The following RIT2 variants were observed in gnomAD, a reference collection of about 807,000 sequenced individuals.
The protein encoded by RIT2 is Ras like without CAAX 2.
A neutral mutation model predicts 23.7 loss-of-function variants in RIT2; 24 were observed. That is an observed-to-expected ratio of 1.01 (90% CI 0.73 to 1.43). The LOEUF is 1.43. RIT2 is among the 40% of genes most tolerant of loss of function. The pLI is 0.00. For missense variants in RIT2, 236 were observed against 266.9 expected (o/e 0.88, Z 0.81); for synonymous variants, 107 against 91.1 (o/e 1.17, Z -0.99).
chr18:43,010,469 C>T (rs188669150), intron 2 of RIT2, among the ~76,000 whole-genome samples: 3 of 151,868 alleles, frequency 2.0e-5, no homozygotes, highest in African/African-American at 4.8e-5. Context: ...ATTTAATTGA[C>T]ATTGTTTTCA....
At chr18:42,993,729 C>T (rs1433887092) in intron 2 of RIT2, among the ~76,000 whole-genome samples, 1 of 152,002 alleles carries the variant, frequency 6.6e-6, no homozygotes, top group African/African-American at 2.4e-5. Context: ...AGTTCAAAGC[C>T]TCCTTCACAT....
intron 4 of RIT2, among the ~76,000 whole-genome samples, chr18:42,798,347 C>T (rs2143958205): frequency 6.6e-6 from 1 of 152,218 alleles, no homozygotes; most frequent in East Asian, 1.9e-4. Flanking sequence ...AAATGGTACC[C>T]CACAGTCATG....
At chr18:42,999,731 A>G (rs1440161896) in intron 2 of RIT2, among the ~76,000 whole-genome samples, 1 of 152,102 alleles carries the variant, frequency 6.6e-6, no homozygotes, top group Non-Finnish European at 1.5e-5. Context: ...TTCAAACTCT[A>G]GAGAAGTTAA....
intron 4 of RIT2, among the ~76,000 whole-genome samples, chr18:42,855,429 C>T (rs773307833): frequency 3.3e-5 from 5 of 152,200 alleles, no homozygotes; most frequent in Non-Finnish European, 5.9e-5. Context: ...ACCATCTCTG[C>T]TCACTGCTAT....
At chr18:42,761,631 CATA>C (rs1027864185) in intron 4 of RIT2, among the ~76,000 whole-genome samples, 1 of 152,178 alleles carries the variant, frequency 6.6e-6, no homozygotes, top group African/African-American at 2.4e-5. Context: ...ATCCCCCTCT[CATA>C]ATATGTGAGT....
chr18:43,102,404 A>G (rs1005686312), intron 1 of RIT2, among the ~76,000 whole-genome samples: 10 of 149,256 alleles, frequency 6.7e-5, no homozygotes, highest in African/African-American at 9.9e-5. Context: ...ATTTTATAAA[A>G]TACTTTCTTT....
Position 42,968,864 on chromosome 18 carries a change from G to A in RIT2, c.234+5210C>T, listed in dbSNP as rs562096765. 2.6e-5 allele frequency among the ~76,000 whole-genome samples: 4 copies of A among 152,202 alleles called. No individual in the cohort carries two copies. The East Asian group carries it at 7.7e-4, about 29-fold the overall frequency. ...GATACCTGTATTCGAGTCTAGTGTT[G>A]GGTAGGCAGCAGTGAGGAGAAGTAC... On this transcript the variant is annotated intron_variant, in intron 3 of 4. Coordinates refer to ENST00000326695, the MANE Select transcript of RIT2 (RefSeq NM_002930.4).
chr18:43,063,152 A>G (rs1435071084), intron 1 of RIT2, among the ~76,000 whole-genome samples: 1 of 152,198 alleles, frequency 6.6e-6, no homozygotes, highest in African/African-American at 2.4e-5. Context: ...TTCAGTAAAT[A>G]TGAGTAGATT....
chr18:42,795,435 C>G (rs1905314864), intron 4 of RIT2, among the ~76,000 whole-genome samples: 1 of 152,234 alleles, frequency 6.6e-6, no homozygotes, highest in Non-Finnish European at 1.5e-5. Flanking sequence ...TGGCGCTGCT[C>G]TCGATTTCTC....
At chr18:43,069,506 C>T (rs962599408) in intron 1 of RIT2, among the ~76,000 whole-genome samples, 1 of 152,144 alleles carries the variant, frequency 6.6e-6, no homozygotes, top group African/African-American at 2.4e-5. Context: ...ATCATCATCT[C>T]TTTAATTCCG....
At chr18:42,848,950 C>T (rs1214441616) in intron 4 of RIT2, among the ~76,000 whole-genome samples, 1 of 152,110 alleles carries the variant, frequency 6.6e-6, no homozygotes, top group African/African-American at 2.4e-5. Context: ...GCCTTCTATC[C>T]ACTTGTACTT....
chr18:42,874,125 C>T (rs570888846), intron 4 of RIT2, among the ~76,000 whole-genome samples: 4 of 152,188 alleles, frequency 2.6e-5, no homozygotes, highest in African/African-American at 9.6e-5. Context: ...AAACTAAAAC[C>T]TTGGAGAGGC....
intron 1 of RIT2, among the ~76,000 whole-genome samples, chr18:43,113,943 T>G (rs1207290919): frequency 6.6e-6 from 1 of 152,198 alleles, no homozygotes; most frequent in African/African-American, 2.4e-5. Flanking sequence ...GTTTATTTCT[T>G]TCTTCCTCAC....
chr18:42,957,178 C>T (rs1181750229), intron 3 of RIT2, among the ~76,000 whole-genome samples: 2 of 152,144 alleles, frequency 1.3e-5, no homozygotes, highest in Admixed American at 6.5e-5. Context: ...GGTGAGCCAA[C>T]ACACCCCCTT....
chr18:43,046,338 A>G (rs1250380555), intron 1 of RIT2, among the ~76,000 whole-genome samples: 1 of 152,248 alleles, frequency 6.6e-6, no homozygotes, highest in Non-Finnish European at 1.5e-5. Flanking sequence ...TGACCACATT[A>G]TTAATTTTCA....
chr18:42,960,711 A>G (rs949397696), intron 3 of RIT2, among the ~76,000 whole-genome samples: 2 of 152,174 alleles, frequency 1.3e-5, no homozygotes, highest in African/African-American at 4.8e-5. Context: ...TTTCCTAACT[A>G]CATTTTATTA....
chr18:42,923,879 T>C (rs1909117824), intron 3 of RIT2, 116 bp from the exon 4 acceptor site: 1 of 826,872 alleles, frequency 1.2e-6, no homozygotes, highest in Non-Finnish European at 1.8e-6. Context: ...AATATTGATA[T>C]TTAATCATAG....
At chr18:42,758,680 ATT>A (rs11371811) in intron 4 of RIT2, among the ~76,000 whole-genome samples, 15 of 139,876 alleles carry the variant, frequency 1.1e-4, no homozygotes, top group African/African-American at 2.9e-4. Context: ...CACCCGGCTA[ATT>A]TTTTTTTTTT....
chr18:42,924,432 C>T lies in RIT2; in HGVS notation c.235-669G>A, dbSNP rs543032243. ...TGGATCAGTTTCTACATTCTGCTGA[C>T]TCTTTCATCTTCTTTCAACTACAAC... On this transcript the variant is annotated intron_variant, in intron 3 of 4. Transcript: ENST00000326695. Among the ~76,000 whole-genome samples the T allele has an allele frequency of 2.0e-4, 31 of 151,910 alleles. No homozygotes were observed. In the Middle Eastern group the frequency reaches 0.014, roughly 67 times the overall value.
Sources: gnomAD v4.1 joint callset for allele counts (sites outside exome capture counted in the v4.1 genomes callset) on GRCh38, gnomAD v4.1.1 for gene constraint, MANE v1.5 for transcripts, NCBI Gene and HGNC (gene_info 2026-07-23, HGNC 2026-07-21) for gene names.